RBPJ: variants seen among roughly 807,000 people sequenced by gnomAD.
RBPJ encodes recombination signal binding protein for immunoglobulin kappa J region.
Under a neutral mutation model 67.8 loss-of-function variants are expected in RBPJ, and 9 were observed. The observed-to-expected ratio is 0.13, with a 90% CI of 0.08 to 0.23. RBPJ has a LOEUF of 0.23. RBPJ is among the 10% of genes least tolerant of loss of function. RBPJ has a pLI of 1.00. For synonymous variants in RBPJ, 198 were observed against 203.3 expected, an observed-to-expected ratio of 0.97 and a Z score of 0.22; for missense variants, 305 against 595.6, an observed-to-expected ratio of 0.51 and a Z score of 5.08.
intron 1 of RBPJ, among the ~76,000 whole-genome samples, chr4:26,335,251 G>A (rs559608669): frequency 4.6e-5 from 7 of 151,990 alleles, no homozygotes; most frequent in East Asian, 1.9e-4. Context: ...GCGTGATCTC[G>A]GCTCACTGGA....
At chr4:26,343,646 C>T (rs1397695639) in intron 1 of RBPJ, among the ~76,000 whole-genome samples, 1 of 148,860 alleles carries the variant, frequency 6.7e-6, no homozygotes, top group African/African-American at 2.5e-5. Flanking sequence ...CTCCTGGGTT[C>T]AAACGATTCT....
intron 1 of RBPJ, among the ~76,000 whole-genome samples, chr4:26,325,434 G>C (rs1723522604): frequency 6.6e-6 from 1 of 152,168 alleles, no homozygotes; most frequent in Non-Finnish European, 1.5e-5. Context: ...GGAGGGTTAT[G>C]AGCTCACATT....
chr4:26,407,002 C>A (rs1247292639), intron 3 of RBPJ, among the ~76,000 whole-genome samples: 2 of 152,262 alleles, frequency 1.3e-5, no homozygotes, highest in South Asian at 4.1e-4. Context: ...TACATACACT[C>A]AAGCCAGAAG....
chr4:26,133,755 A>G, the RBPJ span, among the ~76,000 whole-genome samples: 5 of 149,792 alleles, frequency 3.3e-5, no homozygotes, highest in Non-Finnish European at 5.9e-5. Flanking sequence ...CAGTCTATGG[A>G]AAAATTGTCT....
intron 1 of RBPJ, among the ~76,000 whole-genome samples, chr4:26,211,904 G>T (rs903248026): frequency 2.0e-5 from 3 of 152,134 alleles, no homozygotes; most frequent in Non-Finnish European, 2.9e-5. Flanking sequence ...CTTACGAAAA[G>T]GAAAAATTTG....
rs1430271518 is a variant in RBPJ, at chr4:26,245,993, AG to A, written c.-167+82382del. On this transcript the variant is annotated intron_variant, in intron 1 of 4. Transcript: ENST00000512351. ...TTTGTAATAAGTTTTGAAATGGGAA[AG>A]GGTAAGTCTCCAAACTTGTTCTTCT... is the stretch of plus-strand genomic sequence containing the variant. 5.3e-5 allele frequency among the ~76,000 whole-genome samples: 8 copies of A among 152,338 alleles called. No homozygotes were observed. In the South Asian group the frequency reaches 1.7e-3, roughly 32 times the overall value.
intron 1 of RBPJ, among the ~76,000 whole-genome samples, chr4:26,382,471 C>G (rs1730424617): frequency 6.6e-6 from 1 of 152,180 alleles, no homozygotes; most frequent in Non-Finnish European, 1.5e-5. Context: ...ATGTGTATCC[C>G]TATGGAGATT....
the RBPJ span, among the ~76,000 whole-genome samples, chr4:26,106,575 G>C: frequency 0.29 from 43,703 of 151,966 alleles, 6,746 homozygotes; most frequent in African/African-American, 0.35. Context: ...TATTTCTAGA[G>C]CACGCAGCTT....
At chr4:26,324,659 A>G (rs1723435774) in intron 1 of RBPJ, among the ~76,000 whole-genome samples, 1 of 152,104 alleles carries the variant, frequency 6.6e-6, no homozygotes, top group Non-Finnish European at 1.5e-5. Flanking sequence ...CCTCCTGAGT[A>G]GCTGGGATTA....
At chr4:26,389,723 C>T (rs956460848) in intron 2 of RBPJ, among the ~76,000 whole-genome samples, 3 of 151,866 alleles carry the variant, frequency 2.0e-5, no homozygotes, top group Non-Finnish European at 2.9e-5. Flanking sequence ...CACACAATTT[C>T]TTGAAACTAG....
Position 26,412,489 on chromosome 4 carries a change from C to T in RBPJ, c.156-2986C>T, listed in dbSNP as rs529892945. 7.9e-5 allele frequency among the ~76,000 whole-genome samples: 12 copies of T among 152,260 alleles called. No individual in the cohort carries two copies. The South Asian group carries it at 2.3e-3, about 29-fold the overall frequency. On this transcript the variant is annotated intron_variant, in intron 3 of 10. Transcript: ENST00000355476. ...TCAAGTGATCTGCCTGCCTCAGCCT[C>T]CCAAAGTGCTGGGATTATAGGCATG...
chr4:26,415,708 T>G, intron 4 of RBPJ, 68 bp downstream of exon 4: 4 of 1,432,356 alleles, frequency 2.8e-6, no homozygotes, highest in East Asian at 4.7e-5. Flanking sequence ...TCATATTCAT[T>G]TTTGTGGTGG....
chr4:26,159,503 T>C (rs151102934), upstream of RBPJ, among the ~76,000 whole-genome samples: 251 of 152,332 alleles, frequency 1.6e-3, no homozygotes, highest in African/African-American at 5.3e-3. Context: ...AGAACAACTA[T>C]GTGTTAGGAC....
chr4:26,429,893 AT>A lies in RBPJ; in HGVS notation c.889-3del, dbSNP rs752216436. On this transcript the variant is annotated splice_region_variant and splice_polypyrimidine_tract_variant and intron_variant, in intron 8 of 10. Transcript: ENST00000355476. ...ACTTAGTTTCTAAACTTCTTTCTTT[AT>A]TAGGCCACTCCATGTCCAAAAGAAC... 12 of 1,611,764 alleles carry A rather than the reference AT, an allele frequency of 7.4e-6. No homozygotes were observed. In the South Asian group the frequency reaches 1.2e-4, roughly 16 times the overall value.
intron 1 of RBPJ, among the ~76,000 whole-genome samples, chr4:26,327,077 A>G (rs1723704568): frequency 6.6e-6 from 1 of 152,162 alleles, no homozygotes; most frequent in South Asian, 2.1e-4. Context: ...TCTAGCTGCT[A>G]CTATCTCTCA....
At chr4:26,231,285 G>A (rs1719273791) in intron 1 of RBPJ, among the ~76,000 whole-genome samples, 1 of 152,132 alleles carries the variant, frequency 6.6e-6, no homozygotes, top group Non-Finnish European at 1.5e-5. Flanking sequence ...ACTGCTATCT[G>A]CATTTAAGGG....
rs1295993676 is a variant in RBPJ, at chr4:26,433,799, G to T, written c.*2792G>T. The T allele has an allele frequency of 6.6e-6, 1 of 152,058 alleles. No individual in the cohort carries two copies. Among genetic ancestry groups the T allele is most frequent in the Non-Finnish European group, 1.5e-5 (1 of 68,004 alleles). 9.4% of individuals were successfully genotyped at this position (152,058 alleles called of 1,614,324 possible). A position where few individuals can be genotyped will look rare whatever the true frequency, so the allele number is the denominator to read the frequency against. ...ATCATTTTCAGTATGTAATTTATAGGAACCTTGTCCTCTGGTTATAGTAGA... is the reference window on the plus strand; with the variant it reads ...ATCATTTTCAGTATGTAATTTATAGTAACCTTGTCCTCTGGTTATAGTAGA... On this transcript the variant is annotated 3_prime_UTR_variant, in exon 11 of 11. Transcript: ENST00000355476.
intron 1 of RBPJ, among the ~76,000 whole-genome samples, chr4:26,353,251 A>G (rs888883773): frequency 3.3e-5 from 5 of 152,262 alleles, no homozygotes; most frequent in African/African-American, 9.6e-5. Context: ...CATTTATGTC[A>G]ACCTCATTCC....
the RBPJ span, among the ~76,000 whole-genome samples, chr4:26,105,720 T>C: frequency 4.6e-5 from 7 of 152,106 alleles, no homozygotes; most frequent in African/African-American, 1.7e-4. Flanking sequence ...TGAGAAAAGA[T>C]AGTGTGTGCT....
Sources: allele counts gnomAD v4.1 joint callset (sites outside exome capture counted in the v4.1 genomes callset), GRCh38; gene constraint gnomAD v4.1.1; transcripts MANE v1.5; gene names NCBI Gene and HGNC (gene_info 2026-07-23, HGNC 2026-07-21).